The following EHBP1 variants were observed in gnomAD, a reference collection of about 807,000 sequenced individuals.
The protein encoded by EHBP1 is EH domain binding protein 1.
A neutral mutation model predicts 144.0 loss-of-function variants in EHBP1; 55 were observed. The ratio of observed to expected loss-of-function variants is 0.38; its 90% CI spans 0.31 to 0.48. The LOEUF (loss-of-function observed/expected upper bound fraction) is 0.48, where lower values mean the gene tolerates loss of function less well. Ranked by LOEUF, EHBP1 falls within the 20% of genes least tolerant of loss-of-function variation. EHBP1 has a pLI of 0.98. For missense variants in EHBP1, 1,200 were observed against 1,364.2 expected, an observed-to-expected ratio of 0.88 and a Z score of 1.90; for synonymous variants, 469 against 472.7, an observed-to-expected ratio of 0.99 and a Z score of 0.10.
intron 10 of EHBP1, among the ~76,000 whole-genome samples, chr2:62,888,700 G>A (rs777737428): frequency 2.1e-4 from 32 of 152,258 alleles, no homozygotes; most frequent in Admixed American, 6.5e-4. Flanking sequence ...GAGTGCTATT[G>A]CTGTATATTG....
At chr2:62,975,939 T>C (rs1457864740) in intron 14 of EHBP1, among the ~76,000 whole-genome samples, 3 of 145,234 alleles carry the variant, frequency 2.1e-5, no homozygotes, top group Non-Finnish European at 4.5e-5. Flanking sequence ...CACACACATA[T>C]ATAGTAGAGC....
At chr2:62,764,717 T>C (rs984695447) in intron 4 of EHBP1, among the ~76,000 whole-genome samples, 3 of 152,090 alleles carry the variant, frequency 2.0e-5, no homozygotes, top group African/African-American at 7.2e-5. Context: ...AAAGAATGCT[T>C]TAAAATTAGT....
intron 2 of EHBP1, among the ~76,000 whole-genome samples, chr2:62,735,355 C>T (rs147185528): frequency 6.6e-6 from 1 of 151,874 alleles, no homozygotes; most frequent in Non-Finnish European, 1.5e-5. Context: ...TCAAGTAACA[C>T]TGTACCTTTC....
intron 2 of EHBP1, among the ~76,000 whole-genome samples, chr2:62,723,408 A>G (rs1236268745): frequency 6.6e-6 from 1 of 152,206 alleles, no homozygotes; most frequent in Non-Finnish European, 1.5e-5. Flanking sequence ...TGAAGACAGC[A>G]TACCAATAAG....
chr2:62,979,454 T>A, intron 15 of EHBP1, 119 bp downstream of exon 15: 1 of 1,065,058 alleles, frequency 9.4e-7, no homozygotes, highest in Non-Finnish European at 1.3e-6. Flanking sequence ...TCTAACCTAT[T>A]GATATGTTGC....
chr2:62,904,977 C>A (rs2053682553), intron 10 of EHBP1, among the ~76,000 whole-genome samples: 1 of 151,876 alleles, frequency 6.6e-6, no homozygotes, highest in Non-Finnish European at 1.5e-5. Flanking sequence ...GATAAGAAAG[C>A]AAAATAAGAG....
chr2:62,751,896 A>G (rs1460181585), intron 3 of EHBP1, among the ~76,000 whole-genome samples: 1 of 151,858 alleles, frequency 6.6e-6, no homozygotes, highest in Non-Finnish European at 1.5e-5. Flanking sequence ...TAGTCTTGCT[A>G]GCGGTCTATC....
At chr2:62,811,264 C>A (rs1191920032) in intron 5 of EHBP1, among the ~76,000 whole-genome samples, 1 of 152,156 alleles carries the variant, frequency 6.6e-6, no homozygotes, top group Non-Finnish European at 1.5e-5. Flanking sequence ...GTTGAGAGAG[C>A]TTCCTGTGGC....
intron 14 of EHBP1, among the ~76,000 whole-genome samples, chr2:62,975,620 G>C (rs1358755294): frequency 6.6e-6 from 1 of 152,002 alleles, no homozygotes; most frequent in African/African-American, 2.4e-5. Flanking sequence ...AGTAGAGCTA[G>C]GCCAGGCATG....
At chr2:62,681,268 T>A (rs2033504102) in intron 1 of EHBP1, among the ~76,000 whole-genome samples, 1 of 147,028 alleles carries the variant, frequency 6.8e-6, no homozygotes, top group Non-Finnish European at 1.5e-5. Context: ...ATCATGCCAC[T>A]GCACTCCAGC....
rs187064404 is a variant in EHBP1, at chr2:62,954,333, A to T, written c.2317-1184A>T. 2.6e-3 allele frequency among the ~76,000 whole-genome samples: 395 copies of T among 152,290 alleles called. 3 individuals are homozygous for T. Among genetic ancestry groups the T allele is most frequent in the African/African-American group, 9.0e-3 (374 of 41,576 alleles). ...TTTGTCTGTTTTTGAGACACTGTTG[A>T]TATTGTAACTAAATTCTATTGTGTC... On this transcript the variant is annotated intron_variant, in intron 13 of 22. Coordinates refer to ENST00000431489, the MANE Select transcript of EHBP1 (RefSeq NM_001142616.3).
intron 1 of EHBP1, among the ~76,000 whole-genome samples, chr2:62,696,201 C>T (rs917587888): frequency 5.7e-5 from 8 of 140,858 alleles, no homozygotes; most frequent in African/African-American, 2.0e-4. Flanking sequence ...GACAGAGTCT[C>T]ACTCTGTCAC....
chr2:62,849,840 C>T (rs1483198203), intron 7 of EHBP1, among the ~76,000 whole-genome samples: 1 of 152,118 alleles, frequency 6.6e-6, no homozygotes, highest in Non-Finnish European at 1.5e-5. Context: ...TGTGAGGGGA[C>T]TATCTATGGT....
At chr2:62,703,588 G>A (rs1572889729), upstream of EHBP1, among the ~76,000 whole-genome samples, 3 of 152,210 alleles carry the variant, frequency 2.0e-5, no homozygotes, top group South Asian at 6.2e-4. Flanking sequence ...TTTAGTAAAC[G>A]ATTCTAACTT....
chr2:62,840,512 T>G (rs897084363), intron 7 of EHBP1, among the ~76,000 whole-genome samples: 1 of 149,202 alleles, frequency 6.7e-6, no homozygotes, highest in Non-Finnish European at 1.5e-5. Context: ...ACTAAAGAGC[T>G]TCTGCACAGC....
At chr2:62,987,920 T>A (rs1219464407) in intron 15 of EHBP1, 10 of 1,401,428 alleles carry the variant, frequency 7.1e-6, no homozygotes, top group Non-Finnish European at 1.0e-5. Flanking sequence ...TATTGCTACA[T>A]GTTCCTACAG....
chr2:62,729,216 A>G (rs1447194791), intron 2 of EHBP1, among the ~76,000 whole-genome samples: 3 of 144,782 alleles, frequency 2.1e-5, no homozygotes, highest in Non-Finnish European at 3.0e-5. Flanking sequence ...CTCAACAGCT[A>G]CAAAGTACTA....
At chr2:62,868,600 G>A (rs1245170037) in intron 9 of EHBP1, among the ~76,000 whole-genome samples, 1 of 152,090 alleles carries the variant, frequency 6.6e-6, no homozygotes, top group African/African-American at 2.4e-5. Flanking sequence ...TGCAATACCT[G>A]CATCTGGCAA....
rs1574618329 is a variant in EHBP1 at position 63,045,420 on chromosome 2, G to C, written c.3403G>C (p.Glu1135Gln). The C allele has an allele frequency of 6.2e-7, 1 of 1,614,072 alleles. No individual in the cohort carries two copies. The highest frequency in any genetic ancestry group is 2.2e-5 in the East Asian group (1 of 44,892). Residue 1135 changes from glutamate to glutamine, a missense_variant, in exon 23 of 23, where the codon GAA becomes CAA. Coordinates refer to ENST00000431489, the MANE Select transcript of EHBP1 (RefSeq NM_001142616.3). The surrounding 1 kb of genome is among the most constrained non-coding windows in gnomAD (Gnocchi z 5.7). The part of the protein sequence containing the change: ...LDAQEKQAEE[E>Q]DEHLERTLEQ... ...TTGTCTGACATCCAGGGCCGAAGAA[G>C]AAGATGAGCATTTGGAGCGAACTCT... is the stretch of plus-strand genomic sequence containing the variant.
Sources: gnomAD v4.1 joint callset for allele counts (sites outside exome capture counted in the v4.1 genomes callset) on GRCh38, gnomAD v4.1.1 for gene constraint, Gnocchi (gnomAD v3.1) non-coding constraint, MANE v1.5 for transcripts, NCBI Gene and HGNC (gene_info 2026-07-23, HGNC 2026-07-21) for gene names.